Variants in SMAD3 observed in about 807,000 individuals in gnomAD.
The protein encoded by SMAD3 is SMAD family member 3.
SMAD3 carries 12 observed loss-of-function variants against 51.8 expected under a neutral mutation model. The ratio of observed to expected loss-of-function variants is 0.23; its 90% CI spans 0.15 to 0.38. The LOEUF (loss-of-function observed/expected upper bound fraction) is 0.38, where lower values mean the gene tolerates loss of function less well. Among genes scored for constraint, SMAD3 ranks in the 10% least tolerant of loss-of-function variants. SMAD3 has a pLI of 1.00. For synonymous variants in SMAD3, 238 were observed against 227.7 expected, an observed-to-expected ratio of 1.05 and a Z score of -0.41; for missense variants, 294 against 565.6, an observed-to-expected ratio of 0.52 and a Z score of 4.87.
chr15:67,094,742 G>A (rs1960580046), intron 1 of SMAD3, among the ~76,000 whole-genome samples: 1 of 152,234 alleles, frequency 6.6e-6, no homozygotes, highest in South Asian at 2.1e-4. Context: ...TGTCTCAGAG[G>A]AGCCTTTGCT....
chr15:67,142,627 A>T (rs1337325484), intron 1 of SMAD3: 1 of 274,652 alleles, frequency 3.6e-6, no homozygotes, highest in African/African-American at 2.3e-5. Flanking sequence ...ATAGACAGAG[A>T]ATGGACATCT....
chr15:67,184,628 C>G, intron 6 of SMAD3, 99 bp from the exon 7 acceptor site: 1 of 1,443,220 alleles, frequency 6.9e-7, no homozygotes, highest in South Asian at 1.1e-5. Context: ...TCACTGGGAG[C>G]AGCTCTGCTG....
rs912084261 is a variant in SMAD3 at position 67,138,298 on chromosome 15, C to T, written c.207-26597C>T. On this transcript the variant is annotated intron_variant, in intron 1 of 8. Transcript: ENST00000327367. Reference sequence around the variant, plus strand: ...GGTGAAGCAGAGGCGTCGCTCAGGGCCCTCTGCCTGGTTCTGGGCTCTGGG... The same window carrying T: ...GGTGAAGCAGAGGCGTCGCTCAGGGTCCTCTGCCTGGTTCTGGGCTCTGGG... The T allele has an allele frequency of 1.8e-5, 10 of 543,012 alleles. No homozygotes were observed. The East Asian group carries it at 2.5e-4, about 13-fold the overall frequency. The allele number at this position is 543,012 out of a possible 1,614,324, so 33.6% of individuals were successfully genotyped here.
intron 1 of SMAD3, among the ~76,000 whole-genome samples, chr15:67,135,818 G>A (rs1045220311): frequency 2.0e-5 from 3 of 152,080 alleles, no homozygotes; most frequent in Non-Finnish European, 2.9e-5. Context: ...TTTGAATTAC[G>A]GGCAAGTGGT....
At chr15:67,128,368 G>C (rs1166232965) in intron 1 of SMAD3, among the ~76,000 whole-genome samples, 2 of 152,106 alleles carry the variant, frequency 1.3e-5, no homozygotes, top group Non-Finnish European at 2.9e-5. Flanking sequence ...TTTTACTCCT[G>C]ACCACTTAGT....
At chr15:67,127,897 C>G (rs1276734089) in intron 1 of SMAD3, among the ~76,000 whole-genome samples, 1 of 152,186 alleles carries the variant, frequency 6.6e-6, no homozygotes. Context: ...CTGGGGGGAG[C>G]TGAGCTTCTG....
At chr15:67,138,488 G>A (rs1019582920) in intron 1 of SMAD3, 1 of 171,206 alleles carries the variant, frequency 5.8e-6, no homozygotes, top group African/African-American at 2.4e-5. Context: ...CGGTTCCCTG[G>A]GACAGTTGAA....
intron 1 of SMAD3, among the ~76,000 whole-genome samples, chr15:67,156,643 G>C (rs377331168): frequency 6.6e-6 from 1 of 152,192 alleles, no homozygotes; most frequent in South Asian, 2.1e-4. Context: ...CTAGTGTTGC[G>C]TAACAAAGCA....
intron 6 of SMAD3, among the ~76,000 whole-genome samples, chr15:67,182,994 AAAAAAAAT>A (rs1399881966): frequency 3.6e-5 from 2 of 55,432 alleles, no homozygotes; most frequent in Admixed American, 2.3e-4. Context: ...ATTAAAAAAA[AAAAAAAAT>A]ATATATATAT....
intron 5 of SMAD3, among the ~76,000 whole-genome samples, chr15:67,175,407 T>G (rs1212156218): frequency 6.6e-6 from 1 of 151,972 alleles, no homozygotes; most frequent in African/African-American, 2.4e-5. Flanking sequence ...TGAAAGGTGG[T>G]CGTTTGCTGT....
At chr15:67,183,031 A>ATATATAT (rs1156620400) in intron 6 of SMAD3, among the ~76,000 whole-genome samples, 4 of 29,704 alleles carry the variant, frequency 1.3e-4, no homozygotes, top group South Asian at 2.2e-3. Context: ...ATATATATAT[A>ATATATAT]TTTTTTTTTT....
chr15:67,120,791 A>G (rs1179529541), intron 1 of SMAD3, among the ~76,000 whole-genome samples: 2 of 152,242 alleles, frequency 1.3e-5, no homozygotes, highest in African/African-American at 4.8e-5. Flanking sequence ...GGCCGCATGT[A>G]GCCCAGGAGA....
intron 1 of SMAD3, among the ~76,000 whole-genome samples, chr15:67,141,835 G>A (rs1280501276): frequency 6.6e-6 from 1 of 152,164 alleles, no homozygotes; most frequent in Admixed American, 6.5e-5. Flanking sequence ...TGAACTTGGG[G>A]TTGAGTGCCC....
At chr15:67,096,483 G>A (rs1416131769) in intron 1 of SMAD3, among the ~76,000 whole-genome samples, 2 of 152,180 alleles carry the variant, frequency 1.3e-5, no homozygotes, top group African/African-American at 2.4e-5. Context: ...AATATAAATA[G>A]GAGTGGTAAA....
At chr15:67,173,969 G>T (rs1962820783) in intron 5 of SMAD3, among the ~76,000 whole-genome samples, 1 of 152,224 alleles carries the variant, frequency 6.6e-6, no homozygotes, top group Non-Finnish European at 1.5e-5. Flanking sequence ...TGGGTTGCCT[G>T]TGCTTAACTA....
intron 1 of SMAD3, chr15:67,098,644 C>T (rs1034071679): frequency 9.1e-5 from 49 of 537,840 alleles, no homozygotes; most frequent in Admixed American, 8.9e-4. Flanking sequence ...AGGGTGGGGC[C>T]GCGTTTTTCT....
At chr15:67,150,197 G>T (rs1962090966) in intron 1 of SMAD3, among the ~76,000 whole-genome samples, 1 of 152,120 alleles carries the variant, frequency 6.6e-6, no homozygotes, top group Non-Finnish European at 1.5e-5. Flanking sequence ...GAGTCGCCCG[G>T]TTGACCCGTT....
intron 1 of SMAD3, among the ~76,000 whole-genome samples, chr15:67,095,507 G>T (rs1468573135): frequency 6.6e-6 from 1 of 152,002 alleles, no homozygotes; most frequent in Non-Finnish European, 1.5e-5. Context: ...GCTCAGGAGG[G>T]CCCTATGCTT....
chr15:67,112,086 C>T (rs149578321), intron 1 of SMAD3, among the ~76,000 whole-genome samples: 13 of 151,190 alleles, frequency 8.6e-5, no homozygotes, highest in African/African-American at 3.2e-4. Context: ...CGCACCTGGC[C>T]TTCCATTTGT....
Sources: allele counts gnomAD v4.1 joint callset (sites outside exome capture counted in the v4.1 genomes callset), GRCh38; gene constraint gnomAD v4.1.1; transcripts MANE v1.5; gene names NCBI Gene and HGNC (gene_info 2026-07-23, HGNC 2026-07-21).